The following SMOC1 variants were observed in gnomAD, a reference collection of about 807,000 sequenced individuals.
SMOC1 encodes the protein SPARC-related modular calcium-binding protein 1.
In SMOC1, 22 loss-of-function variants were observed where a neutral mutation model predicts 56.3. The observed-to-expected ratio is 0.39, with a 90% confidence interval of 0.28 to 0.56. The LOEUF (loss-of-function observed/expected upper bound fraction) is 0.56. SMOC1 is among the 20% of genes least tolerant of loss of function. SMOC1 has a pLI of 0.61. For missense variants in SMOC1, 509 were observed against 565.4 expected (o/e 0.90, Z 1.01); for synonymous variants, 193 against 215.0 (o/e 0.90, Z 0.89).
At chr14:69,884,343 T>C (rs576814886) in intron 1 of SMOC1, among the ~76,000 whole-genome samples, 26 of 152,370 alleles carry the variant, frequency 1.7e-4, no homozygotes, top group African/African-American at 6.3e-4. Flanking sequence ...CTGTGTACTT[T>C]GCATATTAAC....
chr14:69,953,619 T>C, intron 3 of SMOC1, 87 bp downstream of exon 3: 2 of 1,108,474 alleles, frequency 1.8e-6, no homozygotes, highest in East Asian at 2.4e-5. Context: ...GCTTGGCGCC[T>C]TCACTTTCTG....
At chr14:69,976,203 A>T (rs117824425) in intron 4 of SMOC1, among the ~76,000 whole-genome samples, 26 of 152,246 alleles carry the variant, frequency 1.7e-4, no homozygotes, top group Admixed American at 8.5e-4. Context: ...GGCTGTAGTT[A>T]TCTATTAGTG....
intron 1 of SMOC1, among the ~76,000 whole-genome samples, chr14:69,929,253 C>A (rs185827641): frequency 1.3e-3 from 200 of 152,304 alleles, no homozygotes; most frequent in Non-Finnish European, 2.0e-3. Context: ...TCTGCCTCCC[C>A]CAAACAATTT....
At chr14:69,993,110 G>A (rs747595074) in intron 6 of SMOC1, among the ~76,000 whole-genome samples, 62 of 152,168 alleles carry the variant, frequency 4.1e-4, no homozygotes, top group Non-Finnish European at 5.0e-4. Context: ...AGGGGAATGA[G>A]GTAGGGATGG....
intron 1 of SMOC1, among the ~76,000 whole-genome samples, chr14:69,926,760 C>A (rs1885023368): frequency 6.6e-6 from 1 of 152,186 alleles, no homozygotes; most frequent in Admixed American, 6.5e-5. Flanking sequence ...ACATAGGCTC[C>A]AAAGAGCCAT....
chr14:69,886,135 C>A, intron 1 of SMOC1: 1 of 1,502,880 alleles, frequency 6.7e-7, no homozygotes, highest in South Asian at 1.1e-5. Context: ...TCTTTCCTTT[C>A]GGCATCTTGG....
At chr14:69,917,009 G>A (rs1884704401) in intron 1 of SMOC1, among the ~76,000 whole-genome samples, 1 of 152,234 alleles carries the variant, frequency 6.6e-6, no homozygotes, top group African/African-American at 2.4e-5. Flanking sequence ...TAATACGGTG[G>A]TGGTTTTCAT....
intron 1 of SMOC1, among the ~76,000 whole-genome samples, chr14:69,887,520 C>A (rs1883842656): frequency 6.6e-6 from 1 of 152,222 alleles, no homozygotes; most frequent in South Asian, 2.1e-4. Flanking sequence ...GTATCATGAG[C>A]CAAAGATTAA....
At chr14:69,886,356 T>C (rs1883810882) in intron 1 of SMOC1, among the ~76,000 whole-genome samples, 1 of 152,226 alleles carries the variant, frequency 6.6e-6, no homozygotes, top group Non-Finnish European at 1.5e-5. Context: ...AGAGACCTCA[T>C]TCATCAGGGT....
chr14:69,899,909 A>G (rs1190531659), intron 1 of SMOC1, among the ~76,000 whole-genome samples: 1 of 152,174 alleles, frequency 6.6e-6, no homozygotes, highest in African/African-American at 2.4e-5. Flanking sequence ...GATTCTCTGT[A>G]TCTGCCTGTC....
intron 1 of SMOC1, among the ~76,000 whole-genome samples, chr14:69,944,722 C>A (rs1882717344): frequency 6.6e-6 from 1 of 152,118 alleles, no homozygotes; most frequent in Non-Finnish European, 1.5e-5. Flanking sequence ...GCTCATCAAT[C>A]TAGAGTCTCA....
intron 5 of SMOC1, among the ~76,000 whole-genome samples, chr14:69,982,780 A>G (rs1303304422): frequency 6.6e-6 from 1 of 152,184 alleles, no homozygotes. Flanking sequence ...CATTGCCATC[A>G]GGTGGGCTGG....
At chr14:69,935,246 C>G (rs1426405217) in intron 1 of SMOC1, among the ~76,000 whole-genome samples, 1 of 152,198 alleles carries the variant, frequency 6.6e-6, no homozygotes. Context: ...GGTAAAGCAA[C>G]CTCTATTTTA....
At chr14:69,884,056 G>A (rs1198621511) in intron 1 of SMOC1, among the ~76,000 whole-genome samples, 4 of 151,202 alleles carry the variant, frequency 2.6e-5, no homozygotes, top group South Asian at 2.1e-4. Flanking sequence ...ACAGGCGCCC[G>A]CCACCGCGCC....
chr14:69,970,124 C>T (rs553162866), intron 3 of SMOC1, among the ~76,000 whole-genome samples: 11 of 152,104 alleles, frequency 7.2e-5, no homozygotes, highest in Non-Finnish European at 1.2e-4. Context: ...CAGGTGGAGG[C>T]GCCAATGCTA....
At chr14:69,969,629 T>C (rs61981602) in intron 3 of SMOC1, among the ~76,000 whole-genome samples, 4,756 of 152,252 alleles carry the variant, frequency 0.031, 106 homozygotes, top group Non-Finnish European at 0.047. Context: ...GGGATTACAT[T>C]TCAACATGAG....
intron 1 of SMOC1, among the ~76,000 whole-genome samples, chr14:69,899,379 C>G (rs116371601): frequency 6.6e-6 from 1 of 152,102 alleles, no homozygotes; most frequent in Non-Finnish European, 1.5e-5. Flanking sequence ...GTACTATTCT[C>G]GTGACAGAGT....
At chr14:69,911,676 A>G (rs1379684932) in intron 1 of SMOC1, among the ~76,000 whole-genome samples, 1 of 152,194 alleles carries the variant, frequency 6.6e-6, no homozygotes, top group Non-Finnish European at 1.5e-5. Context: ...GTTCTTGCAT[A>G]TATTGGTAGT....
chr14:70,010,979 G>T, intron 8 of SMOC1, 33 bp downstream of exon 8: 2 of 1,609,554 alleles, frequency 1.2e-6, no homozygotes, highest in Non-Finnish European at 8.5e-7. Context: ...TGGGAAAAAC[G>T]CACCTGCTGG....
Sources: allele counts gnomAD v4.1 joint callset (sites outside exome capture counted in the v4.1 genomes callset), GRCh38; gene constraint gnomAD v4.1.1; transcripts MANE v1.5; gene names NCBI Gene and HGNC (gene_info 2026-07-23, HGNC 2026-07-21).